TENM4: variants seen among roughly 807,000 people sequenced by gnomAD.
TENM4 encodes the protein teneurin-4.
Under a neutral mutation model 243.3 loss-of-function variants are expected in TENM4, and 82 were observed. That is an observed-to-expected ratio of 0.34 (90% CI 0.28 to 0.40). TENM4 has a LOEUF of 0.40. TENM4 is among the 10% of genes least tolerant of loss of function. TENM4 has a pLI of 1.00. For missense variants in TENM4, 3,138 were observed against 3,673.3 expected (o/e 0.85, Z 3.77); for synonymous variants, 1,412 against 1,456.3 (o/e 0.97, Z 0.69).
At chr11:79,011,903 C>T (rs673703) in intron 6 of TENM4, among the ~76,000 whole-genome samples, 69,140 of 152,138 alleles carry the variant, frequency 0.45, 16,374 homozygotes, top group Middle Eastern at 0.55. Context: ...AATACCGATA[C>T]AGTTCCTTCT....
At position 78,676,334 on chromosome 11, in the gene TENM4, G is replaced by A; in HGVS notation, c.5314C>T (p.Leu1772=). ...IGADGSLRLL[L]ANGMEVALQT... ...AGCGCCACCTCCATGCCGTTGGCCA[G>A]CAGCAGCCGCAAGGAGCCATCGGCC... is the stretch of plus-strand genomic sequence containing the variant. The change falls in exon 30 of 34, where the codon CTG becomes TTG. Residue 1772 remains leucine (L), a synonymous_variant. Transcript: ENST00000278550. 2 of 1,609,864 alleles carry A rather than the reference G, an allele frequency of 1.2e-6. No individual in the cohort carries two copies. The highest frequency in any genetic ancestry group is 1.3e-5 in the African/African-American group (1 of 74,962).
chr11:78,732,306 A>T lies in TENM4; in HGVS notation c.3138+10T>A, dbSNP rs775094746. The T allele has an allele frequency of 3.2e-6, 5 of 1,586,074 alleles. No homozygotes were observed. In the East Asian group the frequency reaches 1.1e-4, roughly 36 times the overall value. On this transcript the variant is annotated intron_variant, in intron 21 of 33. Coordinates refer to ENST00000278550, the MANE Select transcript of TENM4 (RefSeq NM_001098816.3). ...AAGCATGGTGGAATGCAATTAGGAA[A>T]GCTGGGTACCTGAATTTCCGGCACA...
intron 2 of TENM4, among the ~76,000 whole-genome samples, chr11:79,293,985 T>C (rs1251181629): frequency 6.6e-6 from 1 of 152,210 alleles, no homozygotes; most frequent in Non-Finnish European, 1.5e-5. Flanking sequence ...CCTCACATCA[T>C]TGCCAGGATG....
intron 3 of TENM4, among the ~76,000 whole-genome samples, chr11:79,160,981 C>T (rs1327019562): frequency 6.6e-6 from 1 of 152,182 alleles, no homozygotes; most frequent in Non-Finnish European, 1.5e-5. Context: ...GGTTGCCTTC[C>T]ACTTCCTCTT....
intron 2 of TENM4, among the ~76,000 whole-genome samples, chr11:79,273,222 C>T (rs1855999037): frequency 6.6e-6 from 1 of 152,210 alleles, no homozygotes; most frequent in African/African-American, 2.4e-5. Context: ...CAATAACCTC[C>T]AATGACAATG....
At chr11:78,890,186 C>G (rs577278995) in intron 8 of TENM4, among the ~76,000 whole-genome samples, 166 bp from the exon 9 acceptor site, 1 of 152,160 alleles carries the variant, frequency 6.6e-6, no homozygotes, top group South Asian at 2.1e-4. Flanking sequence ...GAGCTACGGA[C>G]TAGACCATGG....
chr11:79,093,933 G>A (rs1336304131), intron 4 of TENM4: 2 of 152,206 alleles, frequency 1.3e-5, no homozygotes, highest in African/African-American at 2.4e-5. Flanking sequence ...CACCAGCCAG[G>A]CACAGGTAGC....
In TENM4 at chr11:79,109,138, C is replaced by T. The variant is rs1198125861; in HGVS notation, c.-65-39129G>A. Among the ~76,000 whole-genome samples the T allele has an allele frequency of 4.6e-5, 7 of 152,148 alleles. 1 individual carries two copies. Among genetic ancestry groups the T allele is most frequent in the Admixed American group, 2.0e-4 (3 of 15,278 alleles). On this transcript the variant is annotated intron_variant, in intron 4 of 33. Coordinates refer to ENST00000278550, the MANE Select transcript of TENM4 (RefSeq NM_001098816.3). The stretch of plus-strand genomic sequence containing the variant: ...ATTTACGGCCGTGAGCAGGGACATG[C>T]GACACTTCAAGGAAGCAAGGTGCCA...
chr11:79,394,802 AG>A (rs537419747), intron 1 of TENM4, among the ~76,000 whole-genome samples: 175 of 152,348 alleles, frequency 1.1e-3, no homozygotes, highest in African/African-American at 4.1e-3. Flanking sequence ...GCAGGCACAC[AG>A]AGTGGGGAAA....
At chr11:79,220,166 C>G (rs1311225760) in intron 2 of TENM4, among the ~76,000 whole-genome samples, 1 of 152,248 alleles carries the variant, frequency 6.6e-6, no homozygotes, top group Non-Finnish European at 1.5e-5. Flanking sequence ...CAGAGGGCTC[C>G]TAATGCACTC....
chr11:79,144,303 G>A (rs1181467763), intron 4 of TENM4, among the ~76,000 whole-genome samples: 6 of 151,956 alleles, frequency 3.9e-5, no homozygotes, highest in Non-Finnish European at 8.8e-5. Context: ...AGGCAATAAT[G>A]AATGCTGGCG....
intron 6 of TENM4, among the ~76,000 whole-genome samples, chr11:78,983,056 A>G: frequency 6.6e-6 from 1 of 152,172 alleles, no homozygotes; most frequent in East Asian, 1.9e-4. Context: ...TTTGACCTTC[A>G]ATACCCTTGC....
At chr11:78,729,680 G>A (rs765002772) in intron 21 of TENM4, 37 bp from the exon 22 acceptor site, 31 of 1,565,902 alleles carry the variant, frequency 2.0e-5, no homozygotes, top group Admixed American at 3.5e-5. Context: ...AGGGACGGTC[G>A]TCGACTCACC....
In TENM4 at chr11:78,654,461, C is replaced by T. The variant is rs1387517073; in HGVS notation, c.*3597G>A. 1 of 152,200 alleles carries T rather than the reference C, an allele frequency of 6.6e-6. No homozygotes were observed. Among genetic ancestry groups the T allele is most frequent in the Admixed American group, 6.5e-5 (1 of 15,282 alleles). The allele number at this position is 152,200 out of a possible 1,614,324, so 9.4% of individuals were successfully genotyped here. A position where few individuals can be genotyped will look rare whatever the true frequency, so the allele number is the denominator to read the frequency against. ...ATCCCTGCCATCTATAAAGGTGATA[C>T]TTTAAAGTTGCAGCTGCGAAGATTT... On this transcript the variant is annotated 3_prime_UTR_variant, in exon 34 of 34. Coordinates refer to ENST00000278550, the MANE Select transcript of TENM4 (RefSeq NM_001098816.3).
intron 4 of TENM4, among the ~76,000 whole-genome samples, chr11:79,141,354 T>A (rs781714318): frequency 4.6e-5 from 7 of 152,100 alleles, no homozygotes; most frequent in African/African-American, 1.7e-4. Flanking sequence ...TAGAGACTAC[T>A]ATGAGCAACT....
At chr11:79,347,351 G>A (rs1590897652) in intron 1 of TENM4, among the ~76,000 whole-genome samples, 1 of 152,160 alleles carries the variant, frequency 6.6e-6, no homozygotes, top group East Asian at 1.9e-4. Flanking sequence ...GGCTTCCTCT[G>A]CATTTTCTTA....
At chr11:79,335,811 G>A (rs150341251) in intron 1 of TENM4, among the ~76,000 whole-genome samples, 15 of 152,288 alleles carry the variant, frequency 9.8e-5, no homozygotes, top group African/African-American at 3.6e-4. Flanking sequence ...CCCGCAGCTT[G>A]CAGTGACTAA....
At chr11:79,022,933 A>T (rs1242335505) in intron 6 of TENM4, among the ~76,000 whole-genome samples, 3 of 152,164 alleles carry the variant, frequency 2.0e-5, no homozygotes, top group Non-Finnish European at 4.4e-5. Context: ...CTGTAAGACA[A>T]AGTTTAGCAC....
intron 4 of TENM4, among the ~76,000 whole-genome samples, chr11:79,087,978 AGCTCTGGCCCTTG>A (rs536135021): frequency 1.5e-4 from 23 of 152,294 alleles, no homozygotes; most frequent in Admixed American, 4.6e-4. Flanking sequence ...TCCGTGGGGA[AGCTCTGGCCCTTG>A]GCCCCGCAGC....
Sources: allele counts gnomAD v4.1 joint callset (sites outside exome capture counted in the v4.1 genomes callset), GRCh38; gene constraint gnomAD v4.1.1; transcripts MANE v1.5; gene names NCBI Gene and HGNC (gene_info 2026-07-23, HGNC 2026-07-21).